TLN2: variants seen among roughly 807,000 people sequenced by gnomAD.
TLN2 encodes talin 2.
TLN2 carries 118 observed loss-of-function variants against 294.7 expected under a neutral mutation model. The ratio of observed to expected loss-of-function variants is 0.40; its 90% CI spans 0.34 to 0.47. The LOEUF (loss-of-function observed/expected upper bound fraction) is 0.47. Among genes scored for constraint, TLN2 ranks in the 20% least tolerant of loss-of-function variants. TLN2 has a pLI of 0.84. For synonymous variants in TLN2, 1,431 were observed against 1,304.5 expected, an observed-to-expected ratio of 1.10 and a Z score of -2.09; for missense variants, 3,083 against 3,282.2, an observed-to-expected ratio of 0.94 and a Z score of 1.48.
At chr15:62,711,482 C>A (rs1321390352) in intron 21 of TLN2, among the ~76,000 whole-genome samples, 2 of 152,234 alleles carry the variant, frequency 1.3e-5, no homozygotes, top group Admixed American at 6.5e-5. Context: ...CACATTAATA[C>A]AGAATTTAAA....
At chr15:62,835,676 A>G in intron 55 of TLN2, 61 bp from the exon 56 acceptor site, 1 of 1,589,198 alleles carries the variant, frequency 6.3e-7, no homozygotes, top group African/African-American at 1.3e-5. Flanking sequence ...TCTGGGGATG[A>G]GGGGCTGCGA....
chr15:62,482,390 G>A (rs1004118893), intron 1 of TLN2, among the ~76,000 whole-genome samples: 2 of 151,410 alleles, frequency 1.3e-5, no homozygotes, highest in African/African-American at 2.4e-5. Context: ...ATCACCTGAG[G>A]TCGGGAGTTT....
chr15:62,796,388 G>A, intron 47 of TLN2, 95 bp downstream of exon 47: 1 of 1,412,986 alleles, frequency 7.1e-7, no homozygotes, highest in Non-Finnish European at 9.5e-7. Flanking sequence ...CAGAAATGTA[G>A]TTATCTGTTT....
At chr15:62,525,454 C>T (rs1422880326) in intron 1 of TLN2, among the ~76,000 whole-genome samples, 1 of 152,224 alleles carries the variant, frequency 6.6e-6, no homozygotes, top group Non-Finnish European at 1.5e-5. Flanking sequence ...ATTCACTCCT[C>T]CCCTGGGGAC....
chr15:62,831,293 G>A (rs1230755637), intron 54 of TLN2: 1 of 152,006 alleles, frequency 6.6e-6, no homozygotes, highest in Non-Finnish European at 1.5e-5. Context: ...AGAGACTTCA[G>A]GAGCCGCCAT....
intron 3 of TLN2, among the ~76,000 whole-genome samples, chr15:62,635,756 T>C (rs912461674): frequency 3.9e-5 from 6 of 152,164 alleles, no homozygotes; most frequent in African/African-American, 1.4e-4. Flanking sequence ...TTAGGTAAAG[T>C]GCTTAGTTCA....
intron 58 of TLN2, among the ~76,000 whole-genome samples, chr15:62,839,630 C>T (rs145081974): frequency 5.3e-5 from 8 of 152,200 alleles, no homozygotes; most frequent in Non-Finnish European, 1.0e-4. Context: ...GTGTCTCCAT[C>T]TCGTAAATCC....
At chr15:62,545,662 A>T (rs2041957344) in intron 1 of TLN2, among the ~76,000 whole-genome samples, 1 of 152,084 alleles carries the variant, frequency 6.6e-6, no homozygotes, top group Non-Finnish European at 1.5e-5. Flanking sequence ...TCAATAGTGA[A>T]CAATTGTTCC....
intron 1 of TLN2, among the ~76,000 whole-genome samples, chr15:62,395,797 A>C (rs1328330230): frequency 6.6e-6 from 1 of 152,196 alleles, no homozygotes; most frequent in African/African-American, 2.4e-5. Context: ...CTAGTTGCAG[A>C]GTATCATATG....
intron 2 of TLN2, among the ~76,000 whole-genome samples, chr15:62,595,412 CAA>C (rs35989710): frequency 4.9e-5 from 4 of 82,178 alleles, no homozygotes; most frequent in Non-Finnish European, 9.7e-5. Context: ...GACTCCGTCT[CAA>C]AAAAAAAAAA....
At chr15:62,682,158 A>G (rs1596686060) in intron 11 of TLN2, among the ~76,000 whole-genome samples, 1 of 152,204 alleles carries the variant, frequency 6.6e-6, no homozygotes, top group South Asian at 2.1e-4. Flanking sequence ...CAATCATGCT[A>G]CTCAACTTTG....
chr15:62,829,666 GT>G (rs1229643940), intron 54 of TLN2: 1 of 152,160 alleles, frequency 6.6e-6, no homozygotes, highest in East Asian at 1.9e-4. Flanking sequence ...CAATTACACT[GT>G]TCTAATTATT....
At chr15:62,454,196 C>G (rs917878633) in intron 1 of TLN2, among the ~76,000 whole-genome samples, 17 of 152,198 alleles carry the variant, frequency 1.1e-4, no homozygotes, top group Non-Finnish European at 2.9e-5. Flanking sequence ...AATGACTCAA[C>G]TCTGATTGTA....
At chr15:62,496,739 G>T (rs560011941) in intron 1 of TLN2, among the ~76,000 whole-genome samples, 1 of 152,204 alleles carries the variant, frequency 6.6e-6, no homozygotes, top group Non-Finnish European at 1.5e-5. Context: ...CATCTGCATA[G>T]ATCCAATTTT....
At chr15:62,622,408 TG>T (rs1022513301) in intron 3 of TLN2, among the ~76,000 whole-genome samples, 8 of 152,266 alleles carry the variant, frequency 5.3e-5, no homozygotes, top group Admixed American at 4.6e-4. Flanking sequence ...TCCAGACAAG[TG>T]GGGGAATACC....
At chr15:62,470,335 C>T (rs1336824069) in intron 1 of TLN2, among the ~76,000 whole-genome samples, 2 of 152,236 alleles carry the variant, frequency 1.3e-5, no homozygotes, top group Non-Finnish European at 2.9e-5. Flanking sequence ...GGGGCTGAAA[C>T]TCTTCAGTGA....
intron 1 of TLN2, among the ~76,000 whole-genome samples, chr15:62,518,196 G>A (rs1303277736): frequency 1.3e-5 from 2 of 152,064 alleles, no homozygotes; most frequent in African/African-American, 2.4e-5. Context: ...GCGTCACCAC[G>A]TCCCGCTAGT....
At chr15:62,646,842 C>T (rs966351891) in intron 3 of TLN2, among the ~76,000 whole-genome samples, 1 of 152,156 alleles carries the variant, frequency 6.6e-6, no homozygotes, top group African/African-American at 2.4e-5. Flanking sequence ...TCTCTGTCCC[C>T]AGGTGCTGAG....
intron 1 of TLN2, among the ~76,000 whole-genome samples, chr15:62,536,728 C>T (rs897168274): frequency 4.6e-5 from 7 of 152,060 alleles, no homozygotes; most frequent in Admixed American, 1.3e-4. Flanking sequence ...CTTTCCTGAC[C>T]GAGCTATTCG....
Sources: gnomAD v4.1 joint callset for allele counts (sites outside exome capture counted in the v4.1 genomes callset) on GRCh38, gnomAD v4.1.1 for gene constraint, MANE v1.5 for transcripts, NCBI Gene and HGNC (gene_info 2026-07-23, HGNC 2026-07-21) for gene names.